Variants in GPC6 observed in about 807,000 individuals in gnomAD.
The protein encoded by GPC6 is glypican-6.
In GPC6, 14 loss-of-function variants were observed where a neutral mutation model predicts 55.2. That is an observed-to-expected ratio of 0.25 (90% CI 0.17 to 0.40). The LOEUF is 0.40. Ranked by LOEUF, GPC6 falls within the 10% of genes least tolerant of loss-of-function variation. GPC6 has a pLI of 1.00. For missense variants in GPC6, 641 were observed against 708.5 expected (o/e 0.90, Z 1.08); for synonymous variants, 278 against 259.6 (o/e 1.07, Z -0.68).
At chr13:93,982,265 A>G (rs1880838901) in intron 3 of GPC6, among the ~76,000 whole-genome samples, 1 of 152,198 alleles carries the variant, frequency 6.6e-6, no homozygotes, top group South Asian at 2.1e-4. Context: ...ACGTGATTCA[A>G]AAAATGCAGT....
At chr13:93,718,852 A>G (rs1392203259) in intron 2 of GPC6, among the ~76,000 whole-genome samples, 2 of 152,112 alleles carry the variant, frequency 1.3e-5, no homozygotes, top group East Asian at 1.9e-4. Context: ...TCCTTTCCTC[A>G]TTCCTTGTTT....
At chr13:93,225,369 T>C (rs566423683), upstream of GPC6, among the ~76,000 whole-genome samples, 24 of 152,324 alleles carry the variant, frequency 1.6e-4, no homozygotes, top group South Asian at 4.8e-3. Context: ...GGAAAATAAG[T>C]TCAGTGATTT....
At chr13:94,312,953 G>A (rs527655737) in intron 6 of GPC6, among the ~76,000 whole-genome samples, 18 of 152,244 alleles carry the variant, frequency 1.2e-4, no homozygotes, top group Non-Finnish European at 2.4e-4. Flanking sequence ...GGTTGTGAAC[G>A]ACCCGGTCTT....
intron 1 of GPC6, among the ~76,000 whole-genome samples, chr13:93,344,707 G>A (rs113592626): frequency 3.3e-5 from 5 of 152,256 alleles, no homozygotes; most frequent in East Asian, 3.9e-4. Flanking sequence ...CCTTTTGTGC[G>A]ATATTTTCAC....
chr13:94,083,269 C>T (rs796065376), intron 4 of GPC6, among the ~76,000 whole-genome samples: 2 of 152,076 alleles, frequency 1.3e-5, no homozygotes, highest in Non-Finnish European at 2.9e-5. Flanking sequence ...CAGGCGCCCG[C>T]CACCACACCC....
At chr13:93,420,163 C>T (rs1216502746) in intron 1 of GPC6, among the ~76,000 whole-genome samples, 2 of 152,120 alleles carry the variant, frequency 1.3e-5, no homozygotes, top group Non-Finnish European at 1.5e-5. Flanking sequence ...TGTTGTCAAA[C>T]TTAAACTGAG....
rs149146438 is a variant in GPC6, at chr13:93,518,328, C to T, written c.161-26935C>T. Among the ~76,000 whole-genome samples the T allele has an allele frequency of 3.3e-3, 506 of 151,752 alleles. 2 individuals carry two copies. Among genetic ancestry groups the T allele is most frequent in the Middle Eastern group, 0.017 (5 of 294 alleles). On this transcript the variant is annotated intron_variant, in intron 1 of 8. Transcript: ENST00000377047. ...ATTCAAATGTAAACCTATAAGTGTG[C>T]CTCTTTTTCTGAGCACAGATGGGCC...
At chr13:94,398,023 T>C (rs758504120) in intron 7 of GPC6, among the ~76,000 whole-genome samples, 7 of 151,778 alleles carry the variant, frequency 4.6e-5, no homozygotes, top group Non-Finnish European at 8.8e-5. Flanking sequence ...CCTGCCACCA[T>C]GTGAGATGTG....
At chr13:93,246,198 T>G (rs1876598219) in intron 1 of GPC6, among the ~76,000 whole-genome samples, 1 of 152,208 alleles carries the variant, frequency 6.6e-6, no homozygotes, top group Non-Finnish European at 1.5e-5. Context: ...TTAGAGCTGG[T>G]CACTCTGCAT....
At chr13:94,014,083 C>T (rs1882359351) in intron 3 of GPC6, among the ~76,000 whole-genome samples, 1 of 152,120 alleles carries the variant, frequency 6.6e-6, no homozygotes. Flanking sequence ...ATTTACAATT[C>T]ATAATTGTTT....
At chr13:93,497,156 T>C (rs182559513) in intron 1 of GPC6, among the ~76,000 whole-genome samples, 2 of 151,212 alleles carry the variant, frequency 1.3e-5, no homozygotes, top group East Asian at 3.9e-4. Flanking sequence ...AAAATCTAGA[T>C]TTTTTTCCTC....
chr13:93,359,151 A>G (rs902306580), intron 1 of GPC6, among the ~76,000 whole-genome samples: 4 of 151,922 alleles, frequency 2.6e-5, no homozygotes, highest in Non-Finnish European at 5.9e-5. Context: ...TTTTTTATAG[A>G]GGCTGGGTCT....
chr13:94,202,650 A>G (rs1007185118), intron 4 of GPC6, among the ~76,000 whole-genome samples: 32 of 152,198 alleles, frequency 2.1e-4, no homozygotes, highest in African/African-American at 6.3e-4. Flanking sequence ...CAGCTGAACC[A>G]TATCAGTGCA....
chr13:93,882,170 T>G (rs1326801324), intron 3 of GPC6, among the ~76,000 whole-genome samples: 1 of 152,000 alleles, frequency 6.6e-6, no homozygotes, highest in Non-Finnish European at 1.5e-5. Context: ...GTTTGTTTGT[T>G]TTTTGACAGG....
chr13:93,826,144 G>T, intron 2 of GPC6, among the ~76,000 whole-genome samples: 1 of 152,114 alleles, frequency 6.6e-6, no homozygotes, highest in East Asian at 1.9e-4. Flanking sequence ...ACAGGCATGA[G>T]CCACTGCACC....
At chr13:94,133,629 T>G (rs1323669356) in intron 4 of GPC6, among the ~76,000 whole-genome samples, 4 of 152,028 alleles carry the variant, frequency 2.6e-5, no homozygotes, top group Non-Finnish European at 5.9e-5. Context: ...TTTCACATTG[T>G]GGGTATGTGC....
At chr13:93,514,807 C>A (rs536852701) in intron 1 of GPC6, among the ~76,000 whole-genome samples, 20 of 152,254 alleles carry the variant, frequency 1.3e-4, no homozygotes, top group African/African-American at 4.8e-4. Context: ...GGGACAGAAT[C>A]CCCTACCAAC....
intron 1 of GPC6, among the ~76,000 whole-genome samples, chr13:93,514,274 G>C (rs1374366901): frequency 6.6e-6 from 1 of 152,124 alleles, no homozygotes; most frequent in East Asian, 1.9e-4. Flanking sequence ...TAGGTGCTCT[G>C]TTGGTTTAGA....
chr13:93,353,537 T>A (rs1405803003), intron 1 of GPC6, among the ~76,000 whole-genome samples: 1 of 152,224 alleles, frequency 6.6e-6, no homozygotes, highest in African/African-American at 2.4e-5. Flanking sequence ...TTTAATGCAG[T>A]GTCTCAACAA....
Sources: gnomAD v4.1 joint callset for allele counts (sites outside exome capture counted in the v4.1 genomes callset) on GRCh38, gnomAD v4.1.1 for gene constraint, MANE v1.5 for transcripts, NCBI Gene and HGNC (gene_info 2026-07-23, HGNC 2026-07-21) for gene names.